The following MBD5 variants were observed in gnomAD, a reference collection of about 807,000 sequenced individuals.
MBD5 encodes methyl-CpG-binding domain protein 5.
In MBD5, 13 loss-of-function variants were observed where a neutral mutation model predicts 117.3. The ratio of observed to expected loss-of-function variants is 0.11; its 90% confidence interval spans 0.07 to 0.18. MBD5 has a LOEUF of 0.18. Ranked by LOEUF, MBD5 falls within the 10% of genes least tolerant of loss-of-function variation. The pLI, the probability that MBD5 is intolerant of heterozygous loss-of-function variation, is 1.00. For synonymous variants in MBD5, 727 were observed against 766.4 expected, an observed-to-expected ratio of 0.95 and a Z score of 0.85; for missense variants, 1,879 against 2,093.8, an observed-to-expected ratio of 0.90 and a Z score of 2.00.
rs59893022 is a variant in MBD5, at chr2:148,361,366, C to CA, written c.-557+19041dup. 8.9e-3 allele frequency among the ~76,000 whole-genome samples: 1,291 copies of CA among 144,900 alleles called. 10 individuals carry two copies. Among genetic ancestry groups the CA allele is most frequent in the Middle Eastern group, 0.014 (4 of 284 alleles). On this transcript the variant is annotated intron_variant, in intron 4 of 13. Transcript: ENST00000642680. ...CTCTGTCTCAAAAACACAAACAAAA[C>CA]AAAAAAAAAAACGTGTTGGATTTAC...
At chr2:148,503,854 C>T (rs2105234567) in intron 12 of MBD5, among the ~76,000 whole-genome samples, 1 of 152,340 alleles carries the variant, frequency 6.6e-6, no homozygotes, top group South Asian at 2.1e-4. Flanking sequence ...AAATTACCTA[C>T]ACCACAAATT....
At position 148,071,279 on chromosome 2, in the gene MBD5, TGTGTGTGTGTGTGTG is replaced by T. The variant is rs1223231459; in HGVS notation, c.-925+49596_-925+49610del. 5.3e-3 allele frequency: 10 copies of T among 1,880 alleles called. No individual in the cohort carries two copies. The East Asian group carries it at 0.056, about 10-fold the overall frequency. The allele number at this position is 1,880 out of a possible 1,614,324, so 0.1% of individuals were successfully genotyped here. On this transcript the variant is annotated intron_variant, in intron 1 of 13. Coordinates refer to ENST00000642680, the MANE Select transcript of MBD5 (RefSeq NM_001378120.1). ...CTGTGTTTAGATATATCTGTATATG[TGTGTGTGTGTGTGTG>T]TGTGTGTGTGTGTGTGTGTGTGTGT...
chr2:148,134,213 CAGAT>C (rs1308418845), intron 1 of MBD5, among the ~76,000 whole-genome samples: 1,584 of 130,286 alleles, frequency 0.012, 29 homozygotes, highest in African/African-American at 0.041. Flanking sequence ...AGATAGATGA[CAGAT>C]AGATAGATAG....
chr2:148,259,186 A>G (rs1456851471), intron 3 of MBD5, among the ~76,000 whole-genome samples: 1 of 152,130 alleles, frequency 6.6e-6, no homozygotes, highest in African/African-American at 2.4e-5. Flanking sequence ...GGCTGCCCAT[A>G]GCCACTCAAT....
intron 3 of MBD5, among the ~76,000 whole-genome samples, chr2:148,330,996 C>T (rs927826956): frequency 4.6e-5 from 7 of 152,170 alleles, no homozygotes; most frequent in African/African-American, 1.4e-4. Flanking sequence ...GGATTTGAAT[C>T]TAATCTAGAA....
At chr2:148,021,734 A>C (rs1573920402) in intron 1 of MBD5, 50 bp downstream of exon 1, 5 of 261,044 alleles carry the variant, frequency 1.9e-5, no homozygotes, top group Admixed American at 4.4e-5. Flanking sequence ...TCTGACTTTC[A>C]CTCCGGGGCA....
Position 148,082,681 on chromosome 2 carries a change from C to G in MBD5, c.-925+60997C>G, listed in dbSNP as rs183095453. 3.0e-4 allele frequency among the ~76,000 whole-genome samples: 46 copies of G among 152,328 alleles called. No individual in the cohort carries two copies. The East Asian group carries it at 8.7e-3, about 29-fold the overall frequency. On this transcript the variant is annotated intron_variant, in intron 1 of 13. Coordinates refer to ENST00000642680, the MANE Select transcript of MBD5 (RefSeq NM_001378120.1). ...GGAATAAAACAGTAGGCTCACACAT[C>G]TACAACTCAATTATACCTCCGTGAC... is the stretch of plus-strand genomic sequence containing the variant.
At chr2:148,072,718 G>T (rs1379675264) in intron 1 of MBD5, among the ~76,000 whole-genome samples, 5 of 152,136 alleles carry the variant, frequency 3.3e-5, no homozygotes, top group African/African-American at 1.2e-4. Flanking sequence ...AGGCTGCTGT[G>T]TTATGAATAC....
intron 1 of MBD5, among the ~76,000 whole-genome samples, chr2:148,083,117 AG>A (rs1695688279): frequency 6.6e-6 from 1 of 152,210 alleles, no homozygotes; most frequent in East Asian, 1.9e-4. Context: ...CACTAGTAAA[AG>A]GATTCAAAAG....
chr2:148,435,941 G>A (rs1338431493), intron 4 of MBD5, among the ~76,000 whole-genome samples: 1 of 152,204 alleles, frequency 6.6e-6, no homozygotes, highest in Non-Finnish European at 1.5e-5. Context: ...AGTCAGTTAA[G>A]AGAGTGTCCT....
chr2:148,289,953 CCT>C (rs1701459927), intron 3 of MBD5, among the ~76,000 whole-genome samples: 2 of 99,530 alleles, frequency 2.0e-5, no homozygotes, highest in Admixed American at 1.8e-4. Context: ...TCATGTATTA[CCT>C]TTTTTTTTTT....
chr2:148,091,523 T>C lies in MBD5; in HGVS notation c.-925+69839T>C, dbSNP rs544916583. Reference sequence around the variant, plus strand: ...AAGCCATATGCTTACAGCCAACTGATCTTCAACAAAATAAACAGAAACATA... The same window carrying C: ...AAGCCATATGCTTACAGCCAACTGACCTTCAACAAAATAAACAGAAACATA... On this transcript the variant is annotated intron_variant, in intron 1 of 13. Coordinates refer to ENST00000642680, the MANE Select transcript of MBD5 (RefSeq NM_001378120.1). Among the ~76,000 whole-genome samples the C allele has an allele frequency of 5.3e-5, 8 of 152,216 alleles. No individual in the cohort carries two copies. In the East Asian group the frequency reaches 1.4e-3, roughly 26 times the overall value.
chr2:148,196,784 T>C (rs1171929642), intron 2 of MBD5, among the ~76,000 whole-genome samples: 1 of 152,214 alleles, frequency 6.6e-6, no homozygotes, highest in African/African-American at 2.4e-5. Context: ...TGTTTGGGAT[T>C]ATTTTATTGT....
At chr2:148,435,898 A>G (rs771304237) in intron 4 of MBD5, among the ~76,000 whole-genome samples, 18 of 152,150 alleles carry the variant, frequency 1.2e-4, no homozygotes, top group Admixed American at 9.2e-4. Flanking sequence ...AGGAAATGCA[A>G]TTTTGATTAA....
At chr2:148,336,701 A>C (rs1234892072) in intron 3 of MBD5, among the ~76,000 whole-genome samples, 1 of 150,854 alleles carries the variant, frequency 6.6e-6, no homozygotes, top group Non-Finnish European at 1.5e-5. Flanking sequence ...CTTCCCTTTC[A>C]CTCTTCCTCA....
chr2:148,181,601 G>A (rs1698536256), intron 2 of MBD5, among the ~76,000 whole-genome samples: 1 of 152,066 alleles, frequency 6.6e-6, no homozygotes, highest in Non-Finnish European at 1.5e-5. Context: ...TATTGAGTTT[G>A]AGTATCTCAT....
At chr2:148,283,919 ACTGAGTAT>A (rs1701309397) in intron 3 of MBD5, among the ~76,000 whole-genome samples, 1 of 152,154 alleles carries the variant, frequency 6.6e-6, no homozygotes, top group Non-Finnish European at 1.5e-5. Flanking sequence ...GAAGGTATAC[ACTGAGTAT>A]CCTGCTTTTT....
At chr2:148,366,654 A>G (rs1703708979) in intron 4 of MBD5, among the ~76,000 whole-genome samples, 1 of 152,228 alleles carries the variant, frequency 6.6e-6, no homozygotes, top group African/African-American at 2.4e-5. Flanking sequence ...TCAATGTGCA[A>G]AAATCACAAG....
chr2:148,395,886 C>A (rs1255433195), intron 4 of MBD5, among the ~76,000 whole-genome samples: 1 of 152,148 alleles, frequency 6.6e-6, no homozygotes, highest in Non-Finnish European at 1.5e-5. Context: ...TGTGAACAGG[C>A]TCCGGCAATC....
Sources: gnomAD v4.1 joint callset for allele counts (sites outside exome capture counted in the v4.1 genomes callset) on GRCh38, gnomAD v4.1.1 for gene constraint, MANE v1.5 for transcripts, NCBI Gene and HGNC (gene_info 2026-07-23, HGNC 2026-07-21) for gene names.